The following HPSE2 variants were observed in gnomAD, a reference collection of about 807,000 sequenced individuals.
The protein encoded by HPSE2 is heparanase 2 (inactive).
Under a neutral mutation model 60.5 loss-of-function variants are expected in HPSE2, and 38 were observed. The observed-to-expected ratio is 0.63, with a 90% CI of 0.48 to 0.82. The LOEUF is 0.82. Ranked by LOEUF, HPSE2 falls within the 40% of genes least tolerant of loss-of-function variation. The pLI is 0.00. For synonymous variants in HPSE2, 295 were observed against 293.2 expected, an observed-to-expected ratio of 1.01 and a Z score of -0.06; for missense variants, 713 against 740.4, an observed-to-expected ratio of 0.96 and a Z score of 0.43.
At chr10:98,908,784 T>A (rs1953899591) in intron 3 of HPSE2, among the ~76,000 whole-genome samples, 1 of 150,880 alleles carries the variant, frequency 6.6e-6, no homozygotes, top group South Asian at 2.1e-4. Flanking sequence ...GGGAAATATA[T>A]CAGCATACTA....
chr10:99,000,952 A>C (rs1028423450), intron 3 of HPSE2, among the ~76,000 whole-genome samples: 95 of 152,214 alleles, frequency 6.2e-4, no homozygotes, highest in African/African-American at 2.2e-3. Context: ...TATTGGTCTC[A>C]ATACACCAAA....
At chr10:98,709,148 C>T (rs979990268) in intron 5 of HPSE2, among the ~76,000 whole-genome samples, 21 of 152,236 alleles carry the variant, frequency 1.4e-4, no homozygotes, top group Admixed American at 8.5e-4. Flanking sequence ...GCCTGTTTCT[C>T]GGAAACTGGC....
chr10:98,561,161 T>G (rs1370673023), intron 9 of HPSE2, among the ~76,000 whole-genome samples: 2 of 48,786 alleles, frequency 4.1e-5, no homozygotes, highest in Non-Finnish European at 1.3e-4. Context: ...TGGTTTTTTT[T>G]TTTGTTCTTT....
chr10:99,294,209 G>A, the HPSE2 span, among the ~76,000 whole-genome samples: 2 of 151,594 alleles, frequency 1.3e-5, no homozygotes, highest in African/African-American at 2.4e-5. Flanking sequence ...GTGCAGACTT[G>A]AGCATTAGAC....
At chr10:99,262,964 C>T in the HPSE2 span, among the ~76,000 whole-genome samples, 25 of 152,280 alleles carry the variant, frequency 1.6e-4, no homozygotes, top group South Asian at 4.1e-4. Context: ...TACACACAGC[C>T]GAAGTGTGGG....
chr10:99,222,501 T>G (rs1849347428), intron 2 of HPSE2, among the ~76,000 whole-genome samples: 1 of 152,238 alleles, frequency 6.6e-6, no homozygotes, highest in African/African-American at 2.4e-5. Context: ...GAAGGAAGAA[T>G]AAGTCAGAGT....
intron 9 of HPSE2, among the ~76,000 whole-genome samples, chr10:98,574,680 T>C (rs1474559351): frequency 1.3e-5 from 1 of 75,900 alleles, no homozygotes; most frequent in East Asian, 6.2e-4. Context: ...ATTCCCTTTG[T>C]GCATTGGCAT....
chr10:98,601,894 G>C (rs1407104665), intron 9 of HPSE2, among the ~76,000 whole-genome samples: 1 of 152,196 alleles, frequency 6.6e-6, no homozygotes, highest in Non-Finnish European at 1.5e-5. Flanking sequence ...GAAGACTTGG[G>C]CTTGAAGCAG....
At chr10:99,231,442 T>C (rs1849641763) in intron 2 of HPSE2, among the ~76,000 whole-genome samples, 2 of 152,156 alleles carry the variant, frequency 1.3e-5, no homozygotes, top group Non-Finnish European at 2.9e-5. Context: ...GAAACGCCAA[T>C]ACCCTCCATC....
intron 3 of HPSE2, among the ~76,000 whole-genome samples, chr10:98,974,078 A>G (rs2135276386): frequency 6.6e-6 from 1 of 151,940 alleles, no homozygotes; most frequent in Non-Finnish European, 1.5e-5. Context: ...ATCACTTGAG[A>G]CAACAAGTTT....
intron 9 of HPSE2, among the ~76,000 whole-genome samples, chr10:98,578,590 A>G (rs1045698791): frequency 2.0e-5 from 3 of 152,260 alleles, no homozygotes; most frequent in African/African-American, 7.2e-5. Context: ...AGTAAATATC[A>G]AATAGTCTGC....
intron 11 of HPSE2, among the ~76,000 whole-genome samples, chr10:98,460,286 G>A (rs544571907): frequency 1.3e-5 from 2 of 152,218 alleles, no homozygotes; most frequent in Admixed American, 6.5e-5. Context: ...AAGGTTATAC[G>A]GAAGGGAGAC....
chr10:98,767,743 T>C lies in HPSE2; in HGVS notation c.611-23687A>G, dbSNP rs995740604. Among the ~76,000 whole-genome samples the C allele has an allele frequency of 5.5e-5, 8 of 145,618 alleles. No individual in the cohort carries two copies. The East Asian group carries it at 1.6e-3, about 29-fold the overall frequency. On this transcript the variant is annotated intron_variant, in intron 3 of 11. Coordinates refer to ENST00000370552, the MANE Select transcript of HPSE2 (RefSeq NM_021828.5). The stretch of plus-strand genomic sequence containing the variant: ...TATATAAACATACATGTATTTTTAA[T>C]GTATCAATACTATATAGTTATATAT...
intron 3 of HPSE2, among the ~76,000 whole-genome samples, chr10:98,960,352 T>C (rs1260270303): frequency 6.6e-6 from 1 of 152,166 alleles, no homozygotes; most frequent in Non-Finnish European, 1.5e-5. Context: ...TTGTTTATAC[T>C]GTCTTTATTT....
chr10:99,108,984 C>A (rs993377803), intron 3 of HPSE2, among the ~76,000 whole-genome samples: 1 of 152,130 alleles, frequency 6.6e-6, no homozygotes, highest in Non-Finnish European at 1.5e-5. Context: ...CACTTATCCT[C>A]CATGTGTTGT....
At chr10:99,311,361 A>G in the HPSE2 span, among the ~76,000 whole-genome samples, 6 of 152,354 alleles carry the variant, frequency 3.9e-5, no homozygotes, top group African/African-American at 1.4e-4. Flanking sequence ...GCAATCCTGC[A>G]TTAATGCCAT....
rs181809002 is a variant in HPSE2 at position 98,544,329 on chromosome 10, C to G, written c.1321-54133G>C. On this transcript the variant is annotated intron_variant, in intron 9 of 11. Transcript: ENST00000370552. Reference sequence around the variant, plus strand: ...CAGAATCTCTGGGACACATTCAAAGCAGTGTAAAGAGGGAAATTTATAGCA... The same window carrying G: ...CAGAATCTCTGGGACACATTCAAAGGAGTGTAAAGAGGGAAATTTATAGCA... Among the ~76,000 whole-genome samples, 615 of 152,274 alleles carry G rather than the reference C, an allele frequency of 4.0e-3. 4 individuals carry two copies. The highest frequency in any genetic ancestry group is 0.014 in the African/African-American group (582 of 41,534).
intron 6 of HPSE2, among the ~76,000 whole-genome samples, chr10:98,689,016 G>C (rs1429343443): frequency 1.3e-5 from 2 of 151,766 alleles, no homozygotes; most frequent in Admixed American, 6.6e-5. Flanking sequence ...ATGCTTTAAA[G>C]ATTTTTACGT....
intron 9 of HPSE2, among the ~76,000 whole-genome samples, chr10:98,523,943 G>T (rs1288151508): frequency 6.6e-6 from 1 of 152,134 alleles, no homozygotes; most frequent in East Asian, 1.9e-4. Flanking sequence ...GGACCAGAAA[G>T]TACAATAGCT....
Sources: allele counts gnomAD v4.1 joint callset (sites outside exome capture counted in the v4.1 genomes callset), GRCh38; gene constraint gnomAD v4.1.1; transcripts MANE v1.5; gene names NCBI Gene and HGNC (gene_info 2026-07-23, HGNC 2026-07-21).